The following UNC5D variants were observed in gnomAD, a reference collection of about 807,000 sequenced individuals.
UNC5D encodes the protein unc-5 netrin receptor D.
Under a neutral mutation model 105.4 loss-of-function variants are expected in UNC5D, and 39 were observed. The ratio of observed to expected loss-of-function variants is 0.37; its 90% CI spans 0.29 to 0.48. The LOEUF (loss-of-function observed/expected upper bound fraction) is 0.48, where lower values mean the gene tolerates loss of function less well. Ranked by LOEUF, UNC5D falls within the 20% of genes least tolerant of loss-of-function variation. The probability of loss-of-function intolerance (pLI) is 0.98; values close to 1 mark genes in which losing one functional copy is unlikely to be tolerated. For synonymous variants in UNC5D, 452 were observed against 450.4 expected (o/e 1.00, Z -0.04); for missense variants, 991 against 1,202.4 (o/e 0.82, Z 2.60).
At chr8:35,509,329 C>T (rs1812537229) in intron 1 of UNC5D, among the ~76,000 whole-genome samples, 1 of 151,166 alleles carries the variant, frequency 6.6e-6, no homozygotes, top group Non-Finnish European at 1.5e-5. Context: ...GGCAAGAGGT[C>T]AGGCTTCAGC....
chr8:35,620,651 T>G (rs1395318404), intron 4 of UNC5D, among the ~76,000 whole-genome samples: 2 of 152,198 alleles, frequency 1.3e-5, no homozygotes, highest in Non-Finnish European at 2.9e-5. Flanking sequence ...GGGACCATTT[T>G]AAGTGCTGAG....
At chr8:35,683,142 A>G (rs1825780464) in intron 4 of UNC5D, among the ~76,000 whole-genome samples, 1 of 152,168 alleles carries the variant, frequency 6.6e-6, no homozygotes, top group Admixed American at 6.5e-5. Context: ...ATATCCTCTC[A>G]CACAAAATAC....
chr8:35,431,160 A>G (rs752020825), intron 1 of UNC5D, among the ~76,000 whole-genome samples: 10 of 152,178 alleles, frequency 6.6e-5, no homozygotes, highest in Non-Finnish European at 1.3e-4. Flanking sequence ...TTCAGTTTCC[A>G]TTTTCAAAAA....
At chr8:35,623,453 T>C (rs1231081439) in intron 4 of UNC5D, among the ~76,000 whole-genome samples, 2 of 152,232 alleles carry the variant, frequency 1.3e-5, no homozygotes, top group Non-Finnish European at 2.9e-5. Context: ...AAAATTGTTT[T>C]TCTCCCTTCC....
intron 1 of UNC5D, among the ~76,000 whole-genome samples, chr8:35,464,419 G>C (rs1563443877): frequency 6.6e-6 from 1 of 152,072 alleles, no homozygotes; most frequent in African/African-American, 2.4e-5. Context: ...GCTATATGTG[G>C]TATTATCATC....
chr8:35,442,825 T>G (rs933760184), intron 1 of UNC5D, among the ~76,000 whole-genome samples: 1 of 151,650 alleles, frequency 6.6e-6, no homozygotes, highest in East Asian at 1.9e-4. Flanking sequence ...TACCTTGGGT[T>G]GGTTGTAAAT....
At position 35,726,401 on chromosome 8, in the gene UNC5D, T is replaced by C; in HGVS notation, c.1553T>C (p.Phe518Ser). ...TTTCCCCATGGAAACAACCACAGCT[T>C]TAGTACAATGCATCCCAGAAATAAA... ...RTFPHGNNHS[F>S]STMHPRNKMP... The change falls in exon 10 of 17, where the codon TTT (phenylalanine) becomes TCT (serine). Residue 518 changes from phenylalanine to serine, a missense_variant. Coordinates refer to ENST00000404895, the MANE Select transcript of UNC5D (RefSeq NM_080872.4). 1 of 1,614,080 alleles carries C rather than the reference T, an allele frequency of 6.2e-7. No individual in the cohort carries two copies. The highest frequency in any genetic ancestry group is 8.5e-7 in the Non-Finnish European group (1 of 1,179,996).
chr8:35,695,236 T>A (rs1369395522), intron 7 of UNC5D, among the ~76,000 whole-genome samples: 1 of 152,314 alleles, frequency 6.6e-6, no homozygotes. Context: ...AGTAGCTGAA[T>A]GAACTACTCT....
At chr8:35,622,765 T>C (rs1309176501) in intron 4 of UNC5D, among the ~76,000 whole-genome samples, 1 of 152,168 alleles carries the variant, frequency 6.6e-6, no homozygotes, top group Admixed American at 6.5e-5. Context: ...CCTTGTAATA[T>C]GTTGTTGAAG....
At chr8:35,388,350 T>C (rs1803566541) in intron 1 of UNC5D, among the ~76,000 whole-genome samples, 1 of 151,474 alleles carries the variant, frequency 6.6e-6, no homozygotes, top group Non-Finnish European at 1.5e-5. Context: ...GGGTGACGAG[T>C]GAAACCCCAT....
intron 4 of UNC5D, among the ~76,000 whole-genome samples, chr8:35,604,053 A>T (rs1051173341): frequency 6.6e-6 from 1 of 152,116 alleles, no homozygotes; most frequent in Non-Finnish European, 1.5e-5. Flanking sequence ...ATTTAAGCTT[A>T]GTATTGTTAT....
intron 1 of UNC5D, among the ~76,000 whole-genome samples, chr8:35,397,718 A>G (rs997745080): frequency 3.3e-5 from 5 of 152,060 alleles, no homozygotes; most frequent in African/African-American, 1.2e-4. Flanking sequence ...CTCCTGATTC[A>G]AGCCACTCTC....
intron 8 of UNC5D, among the ~76,000 whole-genome samples, chr8:35,716,989 C>T (rs1828285245): frequency 6.6e-6 from 1 of 152,178 alleles, no homozygotes; most frequent in Non-Finnish European, 1.5e-5. Context: ...TCCTGGGGCG[C>T]TTGTTACCTG....
At chr8:35,270,450 C>A (rs1446923581) in intron 1 of UNC5D, among the ~76,000 whole-genome samples, 1 of 152,114 alleles carries the variant, frequency 6.6e-6, no homozygotes, top group Non-Finnish European at 1.5e-5. Flanking sequence ...TTATGAGAAA[C>A]CATTTTCTGA....
chr8:35,511,263 G>A (rs1309447486), intron 1 of UNC5D, among the ~76,000 whole-genome samples: 1 of 152,130 alleles, frequency 6.6e-6, no homozygotes, highest in East Asian at 1.9e-4. Flanking sequence ...CTAACCTGTG[G>A]TAATTTAGGA....
At chr8:35,618,711 T>G (rs1821175213) in intron 4 of UNC5D, among the ~76,000 whole-genome samples, 1 of 152,212 alleles carries the variant, frequency 6.6e-6, no homozygotes, top group African/African-American at 2.4e-5. Flanking sequence ...ATGTGGTCAT[T>G]GAAGCTTAGG....
chr8:35,556,000 G>A (rs910350567), intron 2 of UNC5D, among the ~76,000 whole-genome samples: 6 of 151,534 alleles, frequency 4.0e-5, no homozygotes, highest in Admixed American at 1.3e-4. Flanking sequence ...TTTGAAATCA[G>A]GCTCTCCATT....
chr8:35,392,666 C>A (rs192749541), intron 1 of UNC5D, among the ~76,000 whole-genome samples: 1 of 152,160 alleles, frequency 6.6e-6, no homozygotes, highest in Admixed American at 6.5e-5. Flanking sequence ...AAAGTCACAT[C>A]GGCAAAGTCC....
chr8:35,462,638 T>C (rs1243826508), intron 1 of UNC5D, among the ~76,000 whole-genome samples: 5 of 152,190 alleles, frequency 3.3e-5, no homozygotes, highest in Non-Finnish European at 7.3e-5. Context: ...ATTATTTCTG[T>C]ACTTTATTCT....
Sources: allele counts gnomAD v4.1 joint callset (sites outside exome capture counted in the v4.1 genomes callset), GRCh38; gene constraint gnomAD v4.1.1; transcripts MANE v1.5; gene names NCBI Gene and HGNC (gene_info 2026-07-23, HGNC 2026-07-21).